BCO1: variants seen among roughly 807,000 people sequenced by gnomAD.
The protein encoded by BCO1 is beta-carotene oxygenase 1, also known as beta,beta-carotene 15,15'-dioxygenase.
In BCO1, 54 loss-of-function variants were observed where a neutral mutation model predicts 56.3. That is an observed-to-expected ratio of 0.96 (90% CI 0.77 to 1.20). The LOEUF (loss-of-function observed/expected upper bound fraction) is 1.20. BCO1 is among the 50% of genes most tolerant of loss of function. The probability of loss-of-function intolerance (pLI) is 0.00; values close to 1 mark genes in which losing one functional copy is unlikely to be tolerated. For missense variants in BCO1, 801 were observed against 690.9 expected (o/e 1.16, Z -1.79); for synonymous variants, 318 against 266.1 (o/e 1.20, Z -1.90).
chr16:81,272,414 G>T (rs374921090), intron 7 of BCO1, among the ~76,000 whole-genome samples: 2 of 152,072 alleles, frequency 1.3e-5, no homozygotes, highest in African/African-American at 2.4e-5. Context: ...CACCGCGCCC[G>T]GCCCAGACTG....
chr16:81,276,434 A>G (rs1907559917), intron 7 of BCO1, among the ~76,000 whole-genome samples: 1 of 152,184 alleles, frequency 6.6e-6, no homozygotes, highest in African/African-American at 2.4e-5. Context: ...TCCTAAGGGC[A>G]GACTGCCACT....
At chr16:81,279,585 A>G (rs1430103005) in intron 7 of BCO1, among the ~76,000 whole-genome samples, 1 of 152,202 alleles carries the variant, frequency 6.6e-6, no homozygotes, top group African/African-American at 2.4e-5. Flanking sequence ...AGTCTGCACA[A>G]TAACTCAAAG....
chr16:81,247,602 C>T (rs1434829283), intron 2 of BCO1, among the ~76,000 whole-genome samples: 2 of 152,086 alleles, frequency 1.3e-5, no homozygotes, highest in African/African-American at 2.4e-5. Context: ...TCTCAGCTCA[C>T]CACAGCCTCC....
intron 8 of BCO1, among the ~76,000 whole-genome samples, chr16:81,284,181 A>G (rs1908034668): frequency 6.6e-6 from 1 of 151,118 alleles, no homozygotes; most frequent in African/African-American, 2.4e-5. Context: ...CGACAGAGCT[A>G]GACTCCATCT....
chr16:81,256,893 GA>G (rs374663382), intron 2 of BCO1, among the ~76,000 whole-genome samples: 5,020 of 143,890 alleles, frequency 0.035, 161 homozygotes, highest in African/African-American at 0.093. Context: ...CTCAAAAAAA[GA>G]AAAAAAAAAA....
At chr16:81,260,699 G>C (rs2151936182) in intron 3 of BCO1, among the ~76,000 whole-genome samples, 1 of 152,184 alleles carries the variant, frequency 6.6e-6, no homozygotes, top group African/African-American at 2.4e-5. Context: ...AGTAGAGACG[G>C]GGTTTCACCA....
chr16:81,290,537 G>A lies in BCO1; in HGVS notation c.1604G>A (p.Arg535Gln), dbSNP rs199758470. ...TKKQAASEEQ[R>Q]DRASDCHGAP... ...AAGCAGGCCGCTTCTGAGGAACAGC[G>A]GGACAGGGCTTCCGACTGCCACGGG... Residue 535 changes from arginine to glutamine, a missense_variant, in exon 11 of 11, where the codon CGG becomes CAG. Physicochemically the swap from Arg to Gln is conservative, Grantham distance 43. Transcript: ENST00000258168. 124 of 1,613,918 alleles carry A rather than the reference G, an allele frequency of 7.7e-5. No individual in the cohort carries two copies. Among genetic ancestry groups the A allele is most frequent in the Middle Eastern group, 1.6e-4 (1 of 6,082 alleles).
In BCO1 at chr16:81,290,210, TAC is replaced by T. The variant is rs1464882832; in HGVS notation, c.1415-136_1415-135del. On this transcript the variant is annotated intron_variant, in intron 10 of 10. Transcript: ENST00000258168. ...TAGTTGCCAGGCCTTTCCCTTCTGTTACAGTGTCTCAAATTCACTCCCTCCTG... is the reference window on the plus strand; with the variant it reads ...TAGTTGCCAGGCCTTTCCCTTCTGTTAGTGTCTCAAATTCACTCCCTCCTG... 1.0e-5 allele frequency: 8 copies of T among 794,940 alleles called. No homozygotes were observed. In the South Asian group the frequency reaches 1.0e-4, roughly 10 times the overall value. The allele number at this position is 794,940 out of a possible 1,614,324, so 49.2% of individuals were successfully genotyped here. A position where few individuals can be genotyped will look rare whatever the true frequency, so the allele number is the denominator to read the frequency against.
intron 2 of BCO1, among the ~76,000 whole-genome samples, chr16:81,257,683 C>T (rs1449967384): frequency 6.6e-6 from 1 of 151,806 alleles, no homozygotes; most frequent in East Asian, 2.0e-4. Flanking sequence ...CGAGACCAGT[C>T]TGACCAACAT....
At position 81,287,315 on chromosome 16, in the gene BCO1, C is replaced by G. The variant is rs1597377476; in HGVS notation, c.1323C>G (p.Leu441=). The change falls in exon 10 of 11, where the codon CTC becomes CTG. Residue 441 remains leucine, a synonymous_variant. Coordinates refer to ENST00000258168, the MANE Select transcript of BCO1 (RefSeq NM_017429.3). ...IPTKIIKYDI[L]TKSSLKWRED... is the part of the protein sequence containing the mutation. ...TACAGATAATAAAATATGACATTCT[C>G]ACAAAGTCATCCTTAAAATGGAGAG... The G allele has an allele frequency of 2.5e-6, 4 of 1,613,582 alleles. No individual in the cohort carries two copies. The East Asian group carries it at 8.9e-5, about 36-fold the overall frequency.
chr16:81,250,815 A>G (rs1367526946), intron 2 of BCO1, among the ~76,000 whole-genome samples: 1 of 152,158 alleles, frequency 6.6e-6, no homozygotes, highest in African/African-American at 2.4e-5. Context: ...TCCTGACCTC[A>G]GGTGATCCAC....
At chr16:81,249,257 G>T (rs1567699494) in intron 2 of BCO1, among the ~76,000 whole-genome samples, 1 of 150,322 alleles carries the variant, frequency 6.7e-6, no homozygotes, top group African/African-American at 2.4e-5. Context: ...CATCTGGCTA[G>T]TTTTTTTTTC....
intron 5 of BCO1, among the ~76,000 whole-genome samples, chr16:81,267,489 T>A (rs1440909536): frequency 2.0e-5 from 3 of 152,170 alleles, no homozygotes; most frequent in Non-Finnish European, 4.4e-5. Flanking sequence ...GGCGTGAGCC[T>A]ATTGTACCAG....
At chr16:81,262,398 A>C in intron 4 of BCO1, 115 bp downstream of exon 4, 1 of 1,137,544 alleles carries the variant, frequency 8.8e-7, no homozygotes, top group South Asian at 1.3e-5. Flanking sequence ...CCCCTCCTCT[A>C]ACACCGTTGG....
At chr16:81,240,995 C>G (rs904997528) in intron 1 of BCO1, among the ~76,000 whole-genome samples, 1 of 151,752 alleles carries the variant, frequency 6.6e-6, no homozygotes, top group South Asian at 2.1e-4. Context: ...CCACCACACC[C>G]GGCTAATTTT....
intron 7 of BCO1, among the ~76,000 whole-genome samples, chr16:81,277,363 G>A (rs1367926097): frequency 6.6e-6 from 1 of 152,114 alleles, no homozygotes; most frequent in African/African-American, 2.4e-5. Context: ...AGATGAGAAA[G>A]TAACTTGCCC....
At chr16:81,243,952 A>G (rs1905252215) in intron 1 of BCO1, among the ~76,000 whole-genome samples, 1 of 152,254 alleles carries the variant, frequency 6.6e-6, no homozygotes. Flanking sequence ...TCCTCTGGGT[A>G]TGACGTAAAA....
At chr16:81,266,845 T>G (rs575882350) in intron 5 of BCO1, among the ~76,000 whole-genome samples, 6 of 152,318 alleles carry the variant, frequency 3.9e-5, no homozygotes, top group African/African-American at 1.4e-4. Flanking sequence ...GCTTTTCGTT[T>G]CAGTTTGCAT....
At chr16:81,281,824 G>A (rs117143430) in intron 8 of BCO1, among the ~76,000 whole-genome samples, 371 of 152,316 alleles carry the variant, frequency 2.4e-3, no homozygotes, top group Middle Eastern at 0.01. Flanking sequence ...AAGCCAGGAA[G>A]ACCCCCATCC....
Sources: allele counts gnomAD v4.1 joint callset (sites outside exome capture counted in the v4.1 genomes callset), GRCh38; gene constraint gnomAD v4.1.1; transcripts MANE v1.5; gene names NCBI Gene and HGNC (gene_info 2026-07-23, HGNC 2026-07-21).